The following LARS1 variants were observed in gnomAD, a reference collection of about 807,000 sequenced individuals.
The protein encoded by LARS1 is leucyl-tRNA synthetase 1.
A neutral mutation model predicts 162.8 loss-of-function variants in LARS1; 100 were observed. The observed-to-expected ratio is 0.61, with a 90% CI of 0.52 to 0.73. LARS1 has a LOEUF of 0.73. LARS1 is among the 30% of genes least tolerant of loss of function. LARS1 has a pLI of 0.00. For missense variants in LARS1, 1,258 were observed against 1,408.9 expected (o/e 0.89, Z 1.71); for synonymous variants, 457 against 462.8 (o/e 0.99, Z 0.16).
chr5:146,113,673 A>C lies in LARS1; in HGVS notation c.*433T>G, dbSNP rs1425948929. On this transcript the variant is annotated 3_prime_UTR_variant, in exon 32 of 32. Coordinates refer to ENST00000394434, the MANE Select transcript of LARS1 (RefSeq NM_020117.11). Reference sequence around the variant, plus strand: ...TGAAGTTCTCTTCATTTAAAAAAAAAAGCTGCTAATTTACTACTTTTCTTT... The same window carrying C: ...TGAAGTTCTCTTCATTTAAAAAAAACAGCTGCTAATTTACTACTTTTCTTT... The C allele has an allele frequency of 6.5e-6, 1 of 153,630 alleles. No homozygotes were observed. The highest frequency in any genetic ancestry group is 1.4e-5 in the Non-Finnish European group (1 of 69,068). The allele number at this position is 153,630 out of a possible 1,614,324, so 9.5% of individuals were successfully genotyped here. A position where few individuals can be genotyped will look rare whatever the true frequency, so the allele number is the denominator to read the frequency against.
chr5:146,169,889 T>G (rs1754184554), intron 4 of LARS1, among the ~76,000 whole-genome samples: 1 of 152,112 alleles, frequency 6.6e-6, no homozygotes. Context: ...ACCTTTAGAA[T>G]GAGGAAACCT....
chr5:146,146,362 AAGAG>A (rs70998059), intron 15 of LARS1, among the ~76,000 whole-genome samples: 10 of 142,802 alleles, frequency 7.0e-5, no homozygotes, highest in South Asian at 2.2e-4. Context: ...AAAGAAAGAG[AAGAG>A]AGAGAGAGAG....
At chr5:146,117,674 C>T (rs1751616915) in intron 31 of LARS1, among the ~76,000 whole-genome samples, 1 of 152,138 alleles carries the variant, frequency 6.6e-6, no homozygotes, top group Admixed American at 6.6e-5. Flanking sequence ...TCTTTAAAAG[C>T]CACTATCATG....
At position 146,177,641 on chromosome 5, in the gene LARS1, C is replaced by T. The variant is rs182260391; in HGVS notation, c.31G>A (p.Asp11Asn). 4.3e-5 allele frequency: 69 copies of T among 1,602,326 alleles called. 1 individual carries two copies. The East Asian group carries it at 1.5e-3, about 35-fold the overall frequency. MAERKGTAKV[D>N]FLKKIEKEIQ... is the part of the protein sequence containing the mutation. ...TCTTTCTCAATCTTCTTCAAAAAGT[C>T]CACTTTGGCTGTTCCTTTTCTTTCC... is the stretch of plus-strand genomic sequence containing the variant. Residue 11 changes from aspartate (D) to asparagine (N), a missense_variant, in exon 2 of 32, where the codon GAC becomes AAC. Physicochemically the swap from Asp to Asn is conservative, Grantham distance 23. Transcript: ENST00000394434.
chr5:146,172,445 G>C (rs1215242635), intron 3 of LARS1, among the ~76,000 whole-genome samples: 4 of 151,970 alleles, frequency 2.6e-5, no homozygotes, highest in African/African-American at 9.7e-5. Flanking sequence ...GAACCCAGGA[G>C]GCAGAGGTTG....
At position 146,144,703 on chromosome 5, in the gene LARS1, C is replaced by T. The variant is rs761946508; in HGVS notation, c.1510G>A (p.Ala504Thr). 7 of 1,613,154 alleles carry T rather than the reference C, an allele frequency of 4.3e-6. No individual in the cohort carries two copies. The highest frequency in any genetic ancestry group is 2.2e-5 in the South Asian group (2 of 91,058). Residue 504 changes from alanine to threonine, a missense_variant, in exon 16 of 32, where the codon GCA becomes ACA. Coordinates refer to ENST00000394434, the MANE Select transcript of LARS1 (RefSeq NM_020117.11). ...TTCTCTGGTTCCATGTAAATAAGTG[C>T]ATCTCCCTAAAGGAAGGTAAATAAA... ...IQKKMIDAGD[A>T]LIYMEPEKQV...
At position 146,139,999 on chromosome 5, in the gene LARS1, G is replaced by A. The variant is rs142828262; in HGVS notation, c.2148+205C>T. Among the ~76,000 whole-genome samples the A allele has an allele frequency of 0.011, 1,636 of 151,786 alleles. 8 individuals are homozygous for A. The highest frequency in any genetic ancestry group is 0.015 in the Non-Finnish European group (1,018 of 67,958). ...TTACTAATTTTTTGGTAGAGATGGG[G>A]TCTCACTATATCGTCCAGGCTGGTC... On this transcript the variant is annotated intron_variant, in intron 21 of 31. Coordinates refer to ENST00000394434, the MANE Select transcript of LARS1 (RefSeq NM_020117.11).
At chr5:146,116,952 G>C (rs1388925266) in intron 31 of LARS1, among the ~76,000 whole-genome samples, 1 of 152,116 alleles carries the variant, frequency 6.6e-6, no homozygotes, top group Non-Finnish European at 1.5e-5. Flanking sequence ...AGGCCTTTTA[G>C]ATATCAAGGC....
chr5:146,122,825 A>T (rs1350744542), intron 29 of LARS1, among the ~76,000 whole-genome samples: 1 of 152,056 alleles, frequency 6.6e-6, no homozygotes, highest in Middle Eastern at 3.2e-3. Flanking sequence ...TTCTATAATG[A>T]AATCTGGCAT....
At chr5:146,150,883 G>C (rs923759904) in intron 14 of LARS1, among the ~76,000 whole-genome samples, 2 of 150,944 alleles carry the variant, frequency 1.3e-5, no homozygotes, top group Non-Finnish European at 2.9e-5. Flanking sequence ...AGGCTGCAGT[G>C]AGCTGAGATT....
At position 146,177,620 on chromosome 5, in the gene LARS1, T is replaced by C. The variant is rs370471655; in HGVS notation, c.52A>G (p.Lys18Glu). ...AKVDFLKKIE[K>E]EIQQKWDTER... ...GTATCCCATTTCTGTTGGATTTCTT[T>C]CTCAATCTTCTTCAAAAAGTCCACT... Residue 18 changes from lysine (K) to glutamate (E), a missense_variant, in exon 2 of 32, where the codon AAA (lysine) becomes GAA (glutamate). Lys to Glu is a moderately conservative substitution (Grantham distance 56, BLOSUM62 1). Transcript: ENST00000394434. 272 of 1,607,944 alleles carry C rather than the reference T, an allele frequency of 1.7e-4. No individual in the cohort carries two copies. The highest frequency in any genetic ancestry group is 2.3e-4 in the Non-Finnish European group (267 of 1,175,906).
intron 31 of LARS1, among the ~76,000 whole-genome samples, chr5:146,116,748 C>T (rs7728381): frequency 0.4 from 60,365 of 152,058 alleles, 12,640 homozygotes; most frequent in African/African-American, 0.51. Context: ...AAATTTATTA[C>T]CATCAGATAG....
intron 2 of LARS1, among the ~76,000 whole-genome samples, chr5:146,175,732 G>A (rs1754531345): frequency 6.6e-6 from 1 of 151,688 alleles, no homozygotes; most frequent in African/African-American, 2.4e-5. Context: ...GGAGGCTGAA[G>A]CAGGAGAATG....
rs12153109 is a variant in LARS1, at chr5:146,135,783, C to T, written c.2149-119G>A. The stretch of plus-strand genomic sequence containing the variant: ...TAAAAACAAAAAAGAATTCAAAATA[C>T]GGAAAGGAAAAGATATTACACTAAT... On this transcript the variant is annotated intron_variant, in intron 21 of 31. Coordinates refer to ENST00000394434, the MANE Select transcript of LARS1 (RefSeq NM_020117.11). 0.26 allele frequency: 164,707 copies of T among 644,728 alleles called. 23,030 individuals carry two copies. Among genetic ancestry groups the T allele is most frequent in the Admixed American group, 0.37 (10,340 of 28,066 alleles). The allele number at this position is 644,728 out of a possible 1,614,324, so 39.9% of individuals were successfully genotyped here. A position where few individuals can be genotyped will look rare whatever the true frequency, so the allele number is the denominator to read the frequency against.
intron 4 of LARS1, among the ~76,000 whole-genome samples, chr5:146,171,466 T>A (rs2126581699): frequency 6.6e-6 from 1 of 152,344 alleles, no homozygotes; most frequent in Admixed American, 6.5e-5. Flanking sequence ...CAACTCTAGT[T>A]TTCTTTCCTA....
intron 5 of LARS1, 58 bp downstream of exon 5, chr5:146,168,070 C>T (rs1308133156): frequency 2.1e-6 from 3 of 1,419,448 alleles, no homozygotes; most frequent in Middle Eastern, 2.0e-4. Flanking sequence ...TGGGAATGCA[C>T]ATATAAATCA....
chr5:146,168,053 C>A, intron 5 of LARS1, 75 bp downstream of exon 5: 2 of 1,243,612 alleles, frequency 1.6e-6, no homozygotes, highest in Admixed American at 2.1e-5. Context: ...GGGCACTGTG[C>A]TAGTACTGGG....
intron 5 of LARS1, among the ~76,000 whole-genome samples, chr5:146,166,814 T>C (rs1160742662): frequency 1.3e-5 from 2 of 151,528 alleles, no homozygotes; most frequent in Admixed American, 1.3e-4. Flanking sequence ...ATTATTTCCA[T>C]GGCCTCAAAA....
In LARS1 at chr5:146,146,221, C is replaced by T. The variant is rs570239074; in HGVS notation, c.1504-1512G>A. ...TGGGCATGGTGGCGCACACCTGTAA[C>T]GCCCAGCTACTTGGGAGGCTGAGGC... is the stretch of plus-strand genomic sequence containing the variant. On this transcript the variant is annotated intron_variant, in intron 15 of 31. Coordinates refer to ENST00000394434, the MANE Select transcript of LARS1 (RefSeq NM_020117.11). Among the ~76,000 whole-genome samples, 7 of 151,834 alleles carry T rather than the reference C, an allele frequency of 4.6e-5. No individual in the cohort carries two copies. The East Asian group carries it at 5.8e-4, about 13-fold the overall frequency.
Sources: gnomAD v4.1 joint callset for allele counts (sites outside exome capture counted in the v4.1 genomes callset) on GRCh38, gnomAD v4.1.1 for gene constraint, MANE v1.5 for transcripts, NCBI Gene and HGNC (gene_info 2026-07-23, HGNC 2026-07-21) for gene names.